The following DPP10 variants were observed in gnomAD, a reference collection of about 807,000 sequenced individuals.
The protein encoded by DPP10 is inactive dipeptidyl peptidase 10.
DPP10 carries 33 observed loss-of-function variants against 120.9 expected under a neutral mutation model. The observed-to-expected ratio is 0.27, with a 90% CI of 0.21 to 0.37. The LOEUF (loss-of-function observed/expected upper bound fraction) is 0.37. Ranked by LOEUF, DPP10 falls within the 10% of genes least tolerant of loss-of-function variation. DPP10 has a pLI of 1.00. For missense variants in DPP10, 816 were observed against 942.8 expected (o/e 0.87, Z 1.76); for synonymous variants, 337 against 326.1 (o/e 1.03, Z -0.36).
At chr2:115,604,857 A>G (rs1459936352) in intron 5 of DPP10, among the ~76,000 whole-genome samples, 4 of 152,330 alleles carry the variant, frequency 2.6e-5, no homozygotes, top group African/African-American at 9.6e-5. Flanking sequence ...AAGTCTGCAC[A>G]TCTCCAATTT....
chr2:114,481,445 G>A (rs1025065452), intron 1 of DPP10, among the ~76,000 whole-genome samples: 2 of 152,018 alleles, frequency 1.3e-5, no homozygotes, highest in Non-Finnish European at 2.9e-5. Flanking sequence ...TTGAGAAATG[G>A]AATCATTCAT....
intron 3 of DPP10, among the ~76,000 whole-genome samples, chr2:115,407,233 G>A (rs895514745): frequency 2.0e-5 from 3 of 152,208 alleles, no homozygotes; most frequent in Non-Finnish European, 2.9e-5. Context: ...GGCTTCATCT[G>A]GGACAGGCAG....
intron 1 of DPP10, among the ~76,000 whole-genome samples, chr2:114,812,139 T>G (rs926217525): frequency 1.3e-5 from 2 of 152,242 alleles, no homozygotes; most frequent in Non-Finnish European, 2.9e-5. Flanking sequence ...AATTTTTAAG[T>G]ATTTTATAGA....
intron 1 of DPP10, among the ~76,000 whole-genome samples, chr2:114,941,015 A>T (rs1696856418): frequency 6.6e-6 from 1 of 152,178 alleles, no homozygotes; most frequent in Non-Finnish European, 1.5e-5. Flanking sequence ...ATACCCAGGG[A>T]AGGCCACACA....
intron 1 of DPP10, among the ~76,000 whole-genome samples, chr2:115,284,821 C>T (rs898775970): frequency 2.6e-5 from 4 of 152,092 alleles, no homozygotes; most frequent in South Asian, 2.1e-4. Flanking sequence ...AGATGAATTT[C>T]TACTTTATCC....
intron 3 of DPP10, chr2:115,468,366 G>T: frequency 2.0e-6 from 1 of 509,800 alleles, no homozygotes; most frequent in South Asian, 1.4e-5. Context: ...CTTCACTCTT[G>T]GGATGTTCAC....
intron 1 of DPP10, among the ~76,000 whole-genome samples, chr2:114,936,324 C>CT (rs1311260318): frequency 3.3e-5 from 5 of 151,352 alleles, no homozygotes; most frequent in African/African-American, 1.2e-4. Flanking sequence ...TATTTTGTTC[C>CT]TTTTTATGGC....
intron 1 of DPP10, among the ~76,000 whole-genome samples, chr2:115,174,750 G>A (rs2053584866): frequency 6.6e-6 from 1 of 152,152 alleles, no homozygotes. Context: ...TGTGCAATCT[G>A]GGCCTACACT....
At chr2:115,253,440 C>T (rs1423751781) in intron 1 of DPP10, among the ~76,000 whole-genome samples, 1 of 152,172 alleles carries the variant, frequency 6.6e-6, no homozygotes, top group African/African-American at 2.4e-5. Context: ...AGCATTAACT[C>T]AAAAGTCCTA....
chr2:114,766,095 TA>T (rs1427673473), intron 1 of DPP10, among the ~76,000 whole-genome samples: 5 of 151,740 alleles, frequency 3.3e-5, no homozygotes, highest in African/African-American at 1.2e-4. Flanking sequence ...GAATATAAAA[TA>T]ATATATGAAA....
chr2:115,445,903 A>G (rs1427798162), intron 3 of DPP10, among the ~76,000 whole-genome samples: 3 of 152,188 alleles, frequency 2.0e-5, no homozygotes, highest in African/African-American at 7.2e-5. Flanking sequence ...TGGTTTTGTA[A>G]GATGGGCCCA....
chr2:114,474,100 G>A (rs1680172384), intron 1 of DPP10, among the ~76,000 whole-genome samples: 1 of 152,098 alleles, frequency 6.6e-6, no homozygotes, highest in South Asian at 2.1e-4. Context: ...TGGGATTACA[G>A]GCGTGCACCA....
intron 8 of DPP10, among the ~76,000 whole-genome samples, chr2:115,736,618 C>T (rs1028045221): frequency 2.0e-5 from 3 of 152,038 alleles, no homozygotes; most frequent in African/African-American, 7.2e-5. Flanking sequence ...GCTACACTGT[C>T]TTGATGGAAA....
In DPP10 at chr2:115,728,082, C is replaced by G. The variant is rs1575613758; in HGVS notation, c.697+146C>G. 6 of 856,394 alleles carry G rather than the reference C, an allele frequency of 7.0e-6. No homozygotes were observed. The East Asian group carries it at 1.5e-4, about 21-fold the overall frequency. 53.0% of individuals were successfully genotyped at this position (856,394 alleles called of 1,614,324 possible). A position where few individuals can be genotyped will look rare whatever the true frequency, so the allele number is the denominator to read the frequency against. ...CAAAATTGCCCTCATGCTTTCATATCTTTGCATGTGCTTATATTTTGTGTG... is the reference window on the plus strand; with the variant it reads ...CAAAATTGCCCTCATGCTTTCATATGTTTGCATGTGCTTATATTTTGTGTG... On this transcript the variant is annotated intron_variant, in intron 8 of 25. Coordinates refer to ENST00000410059, the MANE Select transcript of DPP10 (RefSeq NM_020868.6).
intron 1 of DPP10, among the ~76,000 whole-genome samples, chr2:114,874,327 G>A (rs140905370): frequency 6.6e-6 from 1 of 152,260 alleles, no homozygotes; most frequent in Non-Finnish European, 1.5e-5. Flanking sequence ...TAAAAGGTAT[G>A]TTTGAGACAA....
chr2:115,184,896 C>T (rs183374820), intron 1 of DPP10, among the ~76,000 whole-genome samples: 1 of 152,160 alleles, frequency 6.6e-6, no homozygotes, highest in East Asian at 1.9e-4. Context: ...TGAATAATAG[C>T]ATTTAGTAAT....
At chr2:114,904,045 A>G (rs1693791292) in intron 1 of DPP10, among the ~76,000 whole-genome samples, 1 of 152,252 alleles carries the variant, frequency 6.6e-6, no homozygotes, top group Non-Finnish European at 1.5e-5. Flanking sequence ...TACTGCTACA[A>G]CAAATACCTA....
At chr2:115,652,502 A>G (rs1184228594) in intron 5 of DPP10, among the ~76,000 whole-genome samples, 4 of 151,484 alleles carry the variant, frequency 2.6e-5, no homozygotes, top group African/African-American at 9.7e-5. Flanking sequence ...ATGTAGATAG[A>G]TATAGGAATT....
chr2:114,677,435 G>A (rs1698741521), intron 1 of DPP10, among the ~76,000 whole-genome samples: 2 of 152,122 alleles, frequency 1.3e-5, no homozygotes, highest in Non-Finnish European at 2.9e-5. Flanking sequence ...CTGGGGGGCT[G>A]AAATACATCT....
Sources: allele counts gnomAD v4.1 joint callset (sites outside exome capture counted in the v4.1 genomes callset), GRCh38; gene constraint gnomAD v4.1.1; transcripts MANE v1.5; gene names NCBI Gene and HGNC (gene_info 2026-07-23, HGNC 2026-07-21).